The following GABRE variants were observed in gnomAD, a reference collection of about 807,000 sequenced individuals.
GABRE encodes gamma-aminobutyric acid receptor subunit epsilon.
In GABRE, 20 loss-of-function variants were observed where a neutral mutation model predicts 31.0. The ratio of observed to expected loss-of-function variants is 0.64; its 90% CI spans 0.45 to 0.94. The LOEUF is 0.94. Ranked by LOEUF, GABRE falls within the 40% of genes least tolerant of loss-of-function variation. The pLI is 0.00. For synonymous variants in GABRE, 155 were observed against 150.6 expected (o/e 1.03, Z -0.21); for missense variants, 420 against 410.7 (o/e 1.02, Z -0.20).
intron 3 of GABRE, among the ~76,000 whole-genome samples, chrX:151,965,081 G>A (rs182757596): frequency 0.015 from 1,666 of 111,318 alleles, 18 homozygotes; most frequent in Non-Finnish European, 0.025. Context: ...AACACGGGAG[G>A]CGGAGGTTGA....
intron 1 of GABRE, 82 bp downstream of exon 1, chrX:151,974,488 C>T (rs1934834622): frequency 7.4e-6 from 5 of 674,810 alleles, no homozygotes; most frequent in Non-Finnish European, 1.1e-5. Context: ...CGCGGGGCCG[C>T]TGGGGTCCCG....
At chrX:151,962,279 G>A in intron 4 of GABRE, 144 bp downstream of exon 4, 1 of 515,238 alleles carries the variant, frequency 1.9e-6, no homozygotes, top group South Asian at 2.8e-5. Context: ...GTTACATAAG[G>A]GGGCTGAGCT....
Position 151,954,671 on chromosome X carries a change from G to T in GABRE, c.*30C>A. On this transcript the variant is annotated 3_prime_UTR_variant, in exon 9 of 9. Transcript: ENST00000370328. ...GGCTTGGACCTCCTGGGGAACTGGA[G>T]AGGTTGCCCCACAGGGTACCAGCTG... 1 of 1,107,547 alleles carries T rather than the reference G, an allele frequency of 9.0e-7. No homozygotes were observed. Among genetic ancestry groups the T allele is most frequent in the South Asian group, 2.2e-5 (1 of 46,249 alleles). 91.3% of individuals were successfully genotyped at this position (1,107,547 alleles called of 1,213,427 possible).
rs1603091281 is a variant in GABRE at position 151,954,886 on chromosome X, A to G, written c.1336T>C (p.Cys446Arg). 16 of 1,211,477 alleles carry G rather than the reference A, an allele frequency of 1.3e-5. No homozygotes were observed. The East Asian group carries it at 4.4e-4, about 34-fold the overall frequency. ...GPRSLCSKLACCEWCKRFKKY... is the reference protein window; with the variant it reads ...GPRSLCSKLARCEWCKRFKKY... Reference sequence around the variant, plus strand: ...TTAAAACGCTTGCACCACTCACAGCAGGCCAGCTTGGAGCAGAGGCTGCGG... The same window carrying G: ...TTAAAACGCTTGCACCACTCACAGCGGGCCAGCTTGGAGCAGAGGCTGCGG... Residue 446 changes from cysteine (C) to arginine (R), a missense_variant, in exon 9 of 9, where the codon TGC becomes CGC. Cys to Arg is a radical substitution (Grantham distance 180, BLOSUM62 -3). Transcript: ENST00000370328.
intron 1 of GABRE, among the ~76,000 whole-genome samples, chrX:151,973,689 C>A (rs1022413265): frequency 9.0e-6 from 1 of 111,628 alleles, no homozygotes; most frequent in Non-Finnish European, 1.9e-5. Flanking sequence ...AAGCAGTCAT[C>A]TTCCACCCCA....
At chrX:151,955,655 GCCCAGCCAACT>G in intron 7 of GABRE, 42 bp downstream of exon 7, 1 of 1,204,806 alleles carries the variant, frequency 8.3e-7, no homozygotes, top group Non-Finnish European at 1.1e-6. Context: ...CTCTGCCCTG[GCCCAGCCAACT>G]CCCAGCCATG....
chrX:151,965,889 G>T (rs1934510068), intron 3 of GABRE, among the ~76,000 whole-genome samples: 1 of 112,238 alleles, frequency 8.9e-6, no homozygotes, highest in African/African-American at 3.2e-5. Flanking sequence ...GCAGAGCCTG[G>T]CTCCCATTTG....
At chrX:151,959,580 C>T (rs761895454) in intron 6 of GABRE, 2 of 452,498 alleles carry the variant, frequency 4.4e-6, no homozygotes, top group South Asian at 2.3e-5. Flanking sequence ...CTGCACATTC[C>T]GACAGCAGCA....
Position 151,962,597 on chromosome X carries a change from C to T in GABRE, c.389G>A (p.Arg130His), listed in dbSNP as rs1358214415. Residue 130 changes from arginine to histidine, a missense_variant, in exon 4 of 9, where the codon CGC becomes CAC. Transcript: ENST00000370328. ...CTCAAAGGTGTCGTTGTAACAGAGG[C>T]GTTCGTCGTACCAGGTCTGGGAGAA... ...IIFSQTWYDE[R>H]LCYNDTFESL... The T allele has an allele frequency of 5.0e-6, 6 of 1,209,265 alleles. No individual in the cohort carries two copies. Among genetic ancestry groups the T allele is most frequent in the Non-Finnish European group, 6.7e-6 (6 of 894,850 alleles).
chrX:151,966,912 T>G (rs1934542471), intron 3 of GABRE, among the ~76,000 whole-genome samples: 1 of 111,979 alleles, frequency 8.9e-6, no homozygotes, highest in African/African-American at 3.3e-5. Context: ...TCAAGCATTG[T>G]CAGGTGAGGC....
At chrX:151,956,317 G>C (rs1934166946) in intron 6 of GABRE, 1 of 123,053 alleles carries the variant, frequency 8.1e-6, no homozygotes, top group Non-Finnish European at 1.7e-5. Flanking sequence ...GTGCTGTGGT[G>C]GAGAAGCACA....
intron 1 of GABRE, chrX:151,971,940 C>T (rs1209195329): frequency 3.4e-5 from 11 of 321,643 alleles, no homozygotes; most frequent in Non-Finnish European, 4.3e-5. Flanking sequence ...GCTGTATTTC[C>T]TGATCTAGGT....
intron 6 of GABRE, chrX:151,957,629 C>G (rs1038722096): frequency 8.1e-6 from 2 of 247,078 alleles, no homozygotes; most frequent in African/African-American, 5.8e-5. Flanking sequence ...CAAAAAAGAA[C>G]CTTCTCCGCT....
At chrX:151,961,406 A>G (rs1392632556) in intron 4 of GABRE, 41 bp from the exon 5 acceptor site, 6 of 942,503 alleles carry the variant, frequency 6.4e-6, no homozygotes, top group Non-Finnish European at 4.5e-6. Flanking sequence ...GGCCCTAAGC[A>G]CTTCCGTATC....
chrX:151,972,216 T>C (rs1378170819), intron 1 of GABRE: 6 of 751,705 alleles, frequency 8.0e-6, no homozygotes, highest in Non-Finnish European at 9.4e-6. Context: ...CATACAGATG[T>C]GCCAAATCCA....
At chrX:151,965,106 G>A (rs1167919923) in intron 3 of GABRE, among the ~76,000 whole-genome samples, 4 of 111,637 alleles carry the variant, frequency 3.6e-5, no homozygotes, top group African/African-American at 6.5e-5. Context: ...AGCAAAGATC[G>A]TGCCACTCCA....
chrX:151,959,440 T>A (rs1934283793), intron 6 of GABRE: 1 of 287,668 alleles, frequency 3.5e-6, no homozygotes, highest in African/African-American at 2.8e-5. Flanking sequence ...TACAATGGAC[T>A]TTGCTTCCCA....
At chrX:151,964,388 G>C (rs1934469093) in intron 3 of GABRE, among the ~76,000 whole-genome samples, 1 of 111,876 alleles carries the variant, frequency 8.9e-6, no homozygotes, top group South Asian at 3.7e-4. Flanking sequence ...ACTTAGGTTT[G>C]TACAGAGGAA....
chrX:151,956,587 G>T (rs1934177124), intron 6 of GABRE: 1 of 112,393 alleles, frequency 8.9e-6, no homozygotes, highest in South Asian at 3.7e-4. Flanking sequence ...TCCTGAGATG[G>T]CCTGCAATTT....
Sources: allele counts gnomAD v4.1 joint callset (sites outside exome capture counted in the v4.1 genomes callset), GRCh38; gene constraint gnomAD v4.1.1; transcripts MANE v1.5; gene names NCBI Gene and HGNC (gene_info 2026-07-23, HGNC 2026-07-21).